The following LRRC20 variants were observed in gnomAD, a reference collection of about 807,000 sequenced individuals.
LRRC20 encodes the protein leucine-rich repeat-containing protein 20.
In LRRC20, 11 loss-of-function variants were observed where a neutral mutation model predicts 14.4. The observed-to-expected ratio is 0.77, with a 90% CI of 0.48 to 1.27. The LOEUF is 1.27. Among genes scored for constraint, LRRC20 ranks in the 50% most tolerant of loss-of-function variants. The pLI is 0.00. For missense variants in LRRC20, 219 were observed against 251.2 expected, an observed-to-expected ratio of 0.87 and a Z score of 0.87; for synonymous variants, 121 against 107.3, an observed-to-expected ratio of 1.13 and a Z score of -0.79.
intron 2 of LRRC20, among the ~76,000 whole-genome samples, chr10:70,372,717 A>C (rs372105858): frequency 4.1e-4 from 62 of 152,084 alleles, no homozygotes; most frequent in African/African-American, 1.0e-3. Flanking sequence ...GCTGGGATTA[A>C]AGGTGTGAGC....
intron 4 of LRRC20, among the ~76,000 whole-genome samples, chr10:70,308,416 G>A (rs1473536367): frequency 6.6e-6 from 1 of 152,010 alleles, no homozygotes; most frequent in African/African-American, 2.4e-5. Flanking sequence ...TAAACTGGCA[G>A]CCAGGTTCCC....
intron 4 of LRRC20, among the ~76,000 whole-genome samples, chr10:70,305,434 C>G (rs1841384265): frequency 6.6e-6 from 1 of 152,106 alleles, no homozygotes; most frequent in African/African-American, 2.4e-5. Flanking sequence ...TTCAAGAACC[C>G]CCAAAAGGGT....
At chr10:70,357,446 C>T (rs1451990556) in intron 2 of LRRC20, among the ~76,000 whole-genome samples, 1 of 152,220 alleles carries the variant, frequency 6.6e-6, no homozygotes, top group Admixed American at 6.5e-5. Flanking sequence ...AGGCTCTTAG[C>T]ACAGTGCCTG....
At chr10:70,359,192 A>G (rs537472291) in intron 2 of LRRC20, among the ~76,000 whole-genome samples, 2 of 152,236 alleles carry the variant, frequency 1.3e-5, no homozygotes, top group African/African-American at 4.8e-5. Flanking sequence ...CCTGCCCTCC[A>G]AACCCCAGCC....
chr10:70,337,713 A>T (rs1241783933), intron 3 of LRRC20, among the ~76,000 whole-genome samples: 2 of 152,174 alleles, frequency 1.3e-5, no homozygotes, highest in Non-Finnish European at 2.9e-5. Context: ...TCCTCTTCCC[A>T]GCAGTCCCTT....
chr10:70,331,409 C>A (rs1842531795), intron 3 of LRRC20, among the ~76,000 whole-genome samples: 1 of 152,316 alleles, frequency 6.6e-6, no homozygotes, highest in South Asian at 2.1e-4. Flanking sequence ...TGGCCCCAAA[C>A]CAGGCATTTA....
At chr10:70,320,985 C>T (rs923378103) in intron 4 of LRRC20, among the ~76,000 whole-genome samples, 2 of 152,306 alleles carry the variant, frequency 1.3e-5, no homozygotes, top group African/African-American at 2.4e-5. Flanking sequence ...CTGAGAGCCT[C>T]CCCGTCTTTC....
chr10:70,349,682 C>T (rs1301629892), intron 2 of LRRC20, among the ~76,000 whole-genome samples: 1 of 152,162 alleles, frequency 6.6e-6, no homozygotes, highest in East Asian at 1.9e-4. Context: ...TCATTTAATT[C>T]CTTTGACAAC....
chr10:70,371,387 C>T (rs559613217), intron 2 of LRRC20, among the ~76,000 whole-genome samples: 1 of 152,168 alleles, frequency 6.6e-6, no homozygotes, highest in East Asian at 1.9e-4. Flanking sequence ...CTGCTGTGTA[C>T]TAGGTGCCTG....
At position 70,376,567 on chromosome 10, in the gene LRRC20, C is replaced by A. The variant is rs750933708; in HGVS notation, c.-34G>T. 2 of 1,604,454 alleles carry A rather than the reference C, an allele frequency of 1.2e-6. No individual in the cohort carries two copies. The highest frequency in any genetic ancestry group is 2.2e-5 in the South Asian group (2 of 90,964). ...AGGTGTCCTGCCGCCAGCCCCCAGG[C>A]TGGTCTGCTTCTCACAAAAGGGCCT... On this transcript the variant is annotated 5_prime_UTR_variant, in exon 2 of 5. Coordinates refer to ENST00000446961, the MANE Select transcript of LRRC20 (RefSeq NM_001278212.2).
chr10:70,326,414 A>G (rs1842325608), intron 3 of LRRC20, among the ~76,000 whole-genome samples: 1 of 151,922 alleles, frequency 6.6e-6, no homozygotes, highest in African/African-American at 2.4e-5. Flanking sequence ...CATCTGATTC[A>G]TCTTTGTCCC....
chr10:70,370,110 G>T (rs1443981681), intron 2 of LRRC20, among the ~76,000 whole-genome samples: 1 of 152,122 alleles, frequency 6.6e-6, no homozygotes, highest in Non-Finnish European at 1.5e-5. Context: ...TCTTTGCCTG[G>T]GCACTGAATT....
chr10:70,355,360 C>A (rs1021717117), intron 2 of LRRC20, among the ~76,000 whole-genome samples: 1 of 152,192 alleles, frequency 6.6e-6, no homozygotes, highest in Non-Finnish European at 1.5e-5. Flanking sequence ...GGGTGTTTTA[C>A]TCCCGATCTC....
chr10:70,352,165 C>T (rs1049778334), intron 2 of LRRC20, among the ~76,000 whole-genome samples: 4 of 151,774 alleles, frequency 2.6e-5, no homozygotes, highest in African/African-American at 9.7e-5. Context: ...TGTCTAGAAA[C>T]ATTTTGGCAT....
At chr10:70,329,529 C>T (rs1296481681) in intron 3 of LRRC20, among the ~76,000 whole-genome samples, 1 of 147,956 alleles carries the variant, frequency 6.8e-6, no homozygotes, top group African/African-American at 2.5e-5. Flanking sequence ...TTTTCTTTGT[C>T]AAATGATATG....
At chr10:70,336,455 G>A (rs1365873303) in intron 3 of LRRC20, among the ~76,000 whole-genome samples, 1 of 152,160 alleles carries the variant, frequency 6.6e-6, no homozygotes, top group Middle Eastern at 3.2e-3. Flanking sequence ...CAATCATTCA[G>A]GAAGCTAAAC....
chr10:70,361,781 C>T (rs1025907823), intron 2 of LRRC20, among the ~76,000 whole-genome samples: 2 of 151,904 alleles, frequency 1.3e-5, no homozygotes, highest in African/African-American at 2.4e-5. Context: ...ACACATCTGC[C>T]GGAGTGAATG....
chr10:70,379,673 G>A (rs987751131), intron 1 of LRRC20, among the ~76,000 whole-genome samples: 2 of 152,202 alleles, frequency 1.3e-5, no homozygotes, highest in African/African-American at 4.8e-5. Context: ...AGGAAGGGAA[G>A]CCACCAAGCT....
In LRRC20 at chr10:70,362,140, G is replaced by A. The variant is rs565010036; in HGVS notation, c.82+14312C>T. On this transcript the variant is annotated intron_variant, in intron 2 of 4. Transcript: ENST00000446961. ...GCGGAGGTTGCAGTGAGCTGAGATC[G>A]TGCCACTGCACTCTAGCCTGGGTGA... Among the ~76,000 whole-genome samples the A allele has an allele frequency of 3.9e-5, 6 of 152,328 alleles. No homozygotes were observed. The South Asian group carries it at 6.2e-4, about 16-fold the overall frequency.
Sources: allele counts gnomAD v4.1 joint callset (sites outside exome capture counted in the v4.1 genomes callset), GRCh38; gene constraint gnomAD v4.1.1; transcripts MANE v1.5; gene names NCBI Gene and HGNC (gene_info 2026-07-23, HGNC 2026-07-21).